OSBPL1A: variants seen among roughly 807,000 people sequenced by gnomAD.
OSBPL1A encodes oxysterol-binding protein-related protein 1.
Under a neutral mutation model 137.1 loss-of-function variants are expected in OSBPL1A, and 80 were observed. That is an observed-to-expected ratio of 0.58 (90% CI 0.49 to 0.70). The LOEUF (loss-of-function observed/expected upper bound fraction) is 0.70, where lower values mean the gene tolerates loss of function less well. Among genes scored for constraint, OSBPL1A ranks in the 30% least tolerant of loss-of-function variants. The pLI, the probability that OSBPL1A is intolerant of heterozygous loss-of-function variation, is 0.00. For synonymous variants in OSBPL1A, 365 were observed against 389.7 expected (o/e 0.94, Z 0.75); for missense variants, 970 against 1,129.4 (o/e 0.86, Z 2.02).
At chr18:24,231,335 C>A (rs1400179792) in intron 16 of OSBPL1A, among the ~76,000 whole-genome samples, 2 of 152,136 alleles carry the variant, frequency 1.3e-5, no homozygotes, top group Non-Finnish European at 2.9e-5. Flanking sequence ...CTCTGGCACC[C>A]AGTCTGGAGT....
chr18:24,293,380 A>T (rs556359635), intron 14 of OSBPL1A, among the ~76,000 whole-genome samples: 1 of 152,148 alleles, frequency 6.6e-6, no homozygotes, highest in African/African-American at 2.4e-5. Context: ...AATGAAGGTA[A>T]AGCCCTGAAA....
At chr18:24,314,783 T>A (rs2090688561) in intron 11 of OSBPL1A, among the ~76,000 whole-genome samples, 1 of 151,888 alleles carries the variant, frequency 6.6e-6, no homozygotes, top group East Asian at 1.9e-4. Flanking sequence ...GTAAGACGGA[T>A]CAGAAATAAT....
chr18:24,285,417 C>T (rs544696041), intron 14 of OSBPL1A, among the ~76,000 whole-genome samples: 1 of 152,076 alleles, frequency 6.6e-6, no homozygotes, highest in East Asian at 1.9e-4. Context: ...GAAATGAAAA[C>T]TTTTTCATTT....
At chr18:24,314,390 A>T (rs1423183396) in intron 11 of OSBPL1A, 43 bp from the exon 12 acceptor site, 1 of 1,333,876 alleles carries the variant, frequency 7.5e-7, no homozygotes, top group East Asian at 2.3e-5. Context: ...CATTCACATA[A>T]AAGAGGACCC....
intron 4 of OSBPL1A, among the ~76,000 whole-genome samples, chr18:24,346,084 G>GCTGCA (rs2091341015): frequency 6.6e-6 from 1 of 152,074 alleles, no homozygotes; most frequent in Non-Finnish European, 1.5e-5. Context: ...TTTTTTAATG[G>GCTGCA]CTGCACAGAG....
intron 5 of OSBPL1A, among the ~76,000 whole-genome samples, chr18:24,335,233 G>A (rs1216461477): frequency 6.6e-6 from 1 of 152,110 alleles, no homozygotes; most frequent in East Asian, 1.9e-4. Context: ...CATGCCAAGT[G>A]CTATTCAAAG....
intron 15 of OSBPL1A, among the ~76,000 whole-genome samples, chr18:24,249,267 A>T (rs1339605358): frequency 1.3e-5 from 2 of 152,246 alleles, no homozygotes; most frequent in Non-Finnish European, 2.9e-5. Context: ...TGTCATTTCC[A>T]AATTTTTTCA....
chr18:24,357,537 T>C (rs1050233235), intron 4 of OSBPL1A: 4 of 152,162 alleles, frequency 2.6e-5, no homozygotes, highest in Admixed American at 2.0e-4. Flanking sequence ...TTTCCTCTTG[T>C]AGCCACCTTA....
chr18:24,262,898 T>C (rs903920796), intron 15 of OSBPL1A, among the ~76,000 whole-genome samples: 3 of 152,182 alleles, frequency 2.0e-5, no homozygotes, highest in African/African-American at 7.2e-5. Context: ...CTCTTTTGTA[T>C]CTAGCTTTTT....
chr18:24,337,964 C>T (rs2091204071), intron 5 of OSBPL1A, among the ~76,000 whole-genome samples: 1 of 151,940 alleles, frequency 6.6e-6, no homozygotes, highest in Admixed American at 6.6e-5. Context: ...ATGTAACAGT[C>T]TCAACCAGAT....
intron 4 of OSBPL1A, among the ~76,000 whole-genome samples, chr18:24,365,307 G>A (rs574699872): frequency 1.3e-5 from 2 of 152,070 alleles, no homozygotes; most frequent in Admixed American, 1.3e-4. Flanking sequence ...TGTTTAGGCC[G>A]AGTGCGGTGG....
intron 14 of OSBPL1A, among the ~76,000 whole-genome samples, chr18:24,284,539 G>A (rs751303727): frequency 1.3e-5 from 2 of 152,096 alleles, no homozygotes; most frequent in Non-Finnish European, 2.9e-5. Flanking sequence ...TTTTAATTGG[G>A]TAAGTTTTTA....
intron 4 of OSBPL1A, among the ~76,000 whole-genome samples, chr18:24,345,358 C>T (rs2091329579): frequency 6.6e-6 from 1 of 152,158 alleles, no homozygotes; most frequent in South Asian, 2.1e-4. Flanking sequence ...GAGAGCCAGA[C>T]TCAGACTAGA....
intron 15 of OSBPL1A, among the ~76,000 whole-genome samples, chr18:24,243,042 C>T (rs562906383): frequency 6.6e-6 from 1 of 152,180 alleles, no homozygotes; most frequent in African/African-American, 2.4e-5. Context: ...CCAGCCTGGC[C>T]AACACAGCGA....
chr18:24,239,514 T>C, intron 15 of OSBPL1A, 132 bp from the exon 16 acceptor site: 9 of 837,662 alleles, frequency 1.1e-5, no homozygotes, highest in Non-Finnish European at 1.4e-5. Context: ...TCGTGTCACA[T>C]GTGCATGGAT....
chr18:24,206,367 T>C (rs540083561), intron 17 of OSBPL1A, among the ~76,000 whole-genome samples: 1 of 152,228 alleles, frequency 6.6e-6, no homozygotes, highest in Non-Finnish European at 1.5e-5. Context: ...GGTTAAGACA[T>C]AATGAAGCAA....
chr18:24,357,531 C>T (rs1205838865), intron 4 of OSBPL1A: 2 of 152,102 alleles, frequency 1.3e-5, no homozygotes, highest in Non-Finnish European at 2.9e-5. Flanking sequence ...GTAGCTTTTC[C>T]TCTTGTAGCC....
At chr18:24,336,313 G>A (rs2091173034) in intron 5 of OSBPL1A, among the ~76,000 whole-genome samples, 1 of 152,190 alleles carries the variant, frequency 6.6e-6, no homozygotes, top group Non-Finnish European at 1.5e-5. Context: ...AGGTTGTCTA[G>A]GCTCATAAAT....
In OSBPL1A at chr18:24,163,191, A is replaced by G. The variant is rs2086059290; in HGVS notation, c.2841T>C (p.Pro947=). The part of the protein sequence containing the change: ...SYWDRNYFNL[P]DIY ...ACTTGTATGCATTTTAATAAATGTC[A>G]GGCAAATTGAAGTAATTTCTGTCCC... The change falls in exon 28 of 28, where the codon CCT becomes CCC. Residue 947 remains proline, a synonymous_variant. Transcript: ENST00000319481. 1 of 1,606,902 alleles carries G rather than the reference A, an allele frequency of 6.2e-7. No homozygotes were observed. Among genetic ancestry groups the G allele is most frequent in the East Asian group, 2.2e-5 (1 of 44,782 alleles).
Sources: gnomAD v4.1 joint callset for allele counts (sites outside exome capture counted in the v4.1 genomes callset) on GRCh38, gnomAD v4.1.1 for gene constraint, MANE v1.5 for transcripts, NCBI Gene and HGNC (gene_info 2026-07-23, HGNC 2026-07-21) for gene names.